The following ANO2 variants were observed in gnomAD, a reference collection of about 807,000 sequenced individuals.
The protein encoded by ANO2 is anoctamin 2, also known as anoctamin-2.
In ANO2, 101 loss-of-function variants were observed where a neutral mutation model predicts 124.2. The observed-to-expected ratio is 0.81, with a 90% CI of 0.69 to 0.96. ANO2 has a LOEUF of 0.96. ANO2 is among the 40% of genes least tolerant of loss of function. The pLI, the probability that ANO2 is intolerant of heterozygous loss-of-function variation, is 0.00. For missense variants in ANO2, 1,293 were observed against 1,274.5 expected (o/e 1.01, Z -0.22); for synonymous variants, 486 against 482.5 (o/e 1.01, Z -0.09).
At position 5,945,239 on chromosome 12, in the gene ANO2, G is replaced by A. The variant is rs1943056820; in HGVS notation, c.-22C>T. ...CCATGATGTGGACGCAGACCCCGCC[G>A]GCCCGCGGCCGCGCGCTTCTGGGCA... On this transcript the variant is annotated 5_prime_UTR_variant, in exon 1 of 25. Transcript: ENST00000682330. The A allele has an allele frequency of 3.9e-6, 5 of 1,284,886 alleles. No homozygotes were observed. The highest frequency in any genetic ancestry group is 2.2e-4 in the Middle Eastern group (1 of 4,622). 79.6% of individuals were successfully genotyped at this position (1,284,886 alleles called of 1,614,324 possible).
rs569490363 is a variant in ANO2 at position 5,653,354 on chromosome 12, C to T, written c.1546-5553G>A. ...CTGGCAAATATTTTGGGGGCAGTGG[C>T]AAAGAGAAGAGAAATACAATGGATT... On this transcript the variant is annotated intron_variant, in intron 14 of 24. Transcript: ENST00000682330. Among the ~76,000 whole-genome samples, 9 of 152,262 alleles carry T rather than the reference C, an allele frequency of 5.9e-5. No individual in the cohort carries two copies. In the East Asian group the frequency reaches 1.7e-3, roughly 29 times the overall value.
intron 3 of ANO2, among the ~76,000 whole-genome samples, chr12:5,872,246 T>C (rs931753392): frequency 2.0e-5 from 3 of 152,084 alleles, no homozygotes; most frequent in South Asian, 2.1e-4. Flanking sequence ...AGAGAGCAAG[T>C]ACCAAAAACT....
At chr12:5,868,636 T>C (rs1411291586) in intron 3 of ANO2, among the ~76,000 whole-genome samples, 1 of 152,142 alleles carries the variant, frequency 6.6e-6, no homozygotes, top group East Asian at 1.9e-4. Flanking sequence ...CCTTTTTTCC[T>C]AGAAAAAGCT....
intron 16 of ANO2, among the ~76,000 whole-genome samples, chr12:5,632,458 T>A (rs926240145): frequency 6.6e-6 from 1 of 152,144 alleles, no homozygotes; most frequent in African/African-American, 2.4e-5. Context: ...AAATACTTTA[T>A]GAGTATCACT....
chr12:5,704,520 A>G (rs1565588508), intron 14 of ANO2, among the ~76,000 whole-genome samples: 1 of 152,214 alleles, frequency 6.6e-6, no homozygotes, highest in Non-Finnish European at 1.5e-5. Flanking sequence ...GAGGGAGAAT[A>G]GCCTTTTACT....
chr12:5,564,874 C>A (rs1215101167), intron 24 of ANO2, among the ~76,000 whole-genome samples: 1 of 152,134 alleles, frequency 6.6e-6, no homozygotes. Context: ...CAGAGATCTG[C>A]CTTCAGGGAA....
chr12:5,911,450 C>T lies in ANO2; in HGVS notation c.534+9590G>A, dbSNP rs114408400. On this transcript the variant is annotated intron_variant, in intron 3 of 24. Coordinates refer to ENST00000682330, the MANE Select transcript of ANO2 (RefSeq NM_001364791.2). ...GTGTCTCAGAGCCCAAAACATCTAG[C>T]AGTGCCATGAAGAGGGACGATTAGC... Among the ~76,000 whole-genome samples the T allele has an allele frequency of 7.5e-3, 1,146 of 152,264 alleles. 14 individuals are homozygous for T. Among genetic ancestry groups the T allele is most frequent in the African/African-American group, 0.026 (1,083 of 41,532 alleles).
chr12:5,934,910 T>C (rs759752801), intron 1 of ANO2, among the ~76,000 whole-genome samples: 3 of 152,140 alleles, frequency 2.0e-5, no homozygotes, highest in Non-Finnish European at 2.9e-5. Flanking sequence ...CTACCCAAAA[T>C]GGACTGGGAC....
intron 6 of ANO2, among the ~76,000 whole-genome samples, chr12:5,829,487 C>A (rs1467059438): frequency 6.6e-6 from 1 of 152,210 alleles, no homozygotes; most frequent in Non-Finnish European, 1.5e-5. Flanking sequence ...ATAGCCTAGC[C>A]TCCTCTAATC....
At chr12:5,729,269 C>T (rs1237021139) in intron 14 of ANO2, among the ~76,000 whole-genome samples, 1 of 152,064 alleles carries the variant, frequency 6.6e-6, no homozygotes, top group African/African-American at 2.4e-5. Context: ...ATATAAAGAA[C>T]TTCATATATT....
At chr12:5,679,633 AAAC>A (rs1361770603) in intron 14 of ANO2, among the ~76,000 whole-genome samples, 1 of 152,246 alleles carries the variant, frequency 6.6e-6, no homozygotes, top group Non-Finnish European at 1.5e-5. Flanking sequence ...AAAAGTCAAA[AAAC>A]AACAGATGTT....
chr12:5,701,487 T>C (rs1246950943), intron 14 of ANO2, among the ~76,000 whole-genome samples: 1 of 152,192 alleles, frequency 6.6e-6, no homozygotes, highest in African/African-American at 2.4e-5. Context: ...CCAGACAGGC[T>C]TTCCTGCTTC....
chr12:5,865,321 TCACACCATCATGCCAC>T (rs1421414697), intron 3 of ANO2, among the ~76,000 whole-genome samples: 20 of 151,318 alleles, frequency 1.3e-4, no homozygotes, highest in Admixed American at 1.3e-3. Context: ...CACCATGCAT[TCACACCATCATGCCAC>T]CACACCATCA....
At chr12:5,597,577 C>G (rs1943728122) in intron 20 of ANO2, among the ~76,000 whole-genome samples, 1 of 152,188 alleles carries the variant, frequency 6.6e-6, no homozygotes, top group African/African-American at 2.4e-5. Flanking sequence ...GGTCTCTGCT[C>G]TAATCACCCA....
chr12:5,613,043 C>A, intron 17 of ANO2, 85 bp from the exon 18 acceptor site: 2 of 1,309,416 alleles, frequency 1.5e-6, no homozygotes, highest in Middle Eastern at 1.8e-4. Flanking sequence ...GGGAATACCA[C>A]CACCACTGTC....
chr12:5,849,677 G>C (rs1954809507), intron 4 of ANO2, among the ~76,000 whole-genome samples: 1 of 151,986 alleles, frequency 6.6e-6, no homozygotes, highest in African/African-American at 2.4e-5. Context: ...CATTACAATG[G>C]ATTTGTCCAG....
In ANO2 at chr12:5,583,420, G is replaced by A. The variant is rs567321008; in HGVS notation, c.2234-4902C>T. ...TGTAATCCCAGCACTTTGGGAGGCC[G>A]AGGCGGGCGGATCACAAGGTCAGGA... On this transcript the variant is annotated intron_variant, in intron 20 of 24. Coordinates refer to ENST00000682330, the MANE Select transcript of ANO2 (RefSeq NM_001364791.2). 5.3e-5 allele frequency among the ~76,000 whole-genome samples: 8 copies of A among 152,128 alleles called. No individual in the cohort carries two copies. In the East Asian group the frequency reaches 9.7e-4, roughly 18 times the overall value.
intron 14 of ANO2, among the ~76,000 whole-genome samples, chr12:5,721,069 C>T (rs943167960): frequency 6.6e-6 from 1 of 152,138 alleles, no homozygotes; most frequent in African/African-American, 2.4e-5. Context: ...GCCCGAACCA[C>T]GCTGGAGATT....
rs61909773 is a variant in ANO2 at position 5,793,635 on chromosome 12, G to A, written c.1055+5872C>T. ...TTCCAGGTGGCCATGGGGAACTTGT[G>A]GAGCCTCTTGGTGCCTTGGGATCCA... On this transcript the variant is annotated intron_variant, in intron 10 of 24. Coordinates refer to ENST00000682330, the MANE Select transcript of ANO2 (RefSeq NM_001364791.2). Among the ~76,000 whole-genome samples, 710 of 152,336 alleles carry A rather than the reference G, an allele frequency of 4.7e-3. 3 individuals are homozygous for A. Among genetic ancestry groups the A allele is most frequent in the Non-Finnish European group, 8.6e-3 (584 of 68,018 alleles).
Sources: gnomAD v4.1 joint callset for allele counts (sites outside exome capture counted in the v4.1 genomes callset) on GRCh38, gnomAD v4.1.1 for gene constraint, MANE v1.5 for transcripts, NCBI Gene and HGNC (gene_info 2026-07-23, HGNC 2026-07-21) for gene names.